The following ABTB2 variants were observed in gnomAD, a reference collection of about 807,000 sequenced individuals.
ABTB2 encodes ankyrin repeat and BTB domain containing 2, also known as ankyrin repeat and BTB/POZ domain-containing protein 2.
In ABTB2, 56 loss-of-function variants were observed where a neutral mutation model predicts 104.1. The ratio of observed to expected loss-of-function variants is 0.54; its 90% CI spans 0.43 to 0.67. The LOEUF is 0.67. ABTB2 is among the 30% of genes least tolerant of loss of function. ABTB2 has a pLI of 0.00. For missense variants in ABTB2, 1,279 were observed against 1,407.7 expected (o/e 0.91, Z 1.46); for synonymous variants, 606 against 608.2 (o/e 1.00, Z 0.05).
chr11:34,239,938 C>G (rs535527764), intron 1 of ABTB2, among the ~76,000 whole-genome samples: 12 of 152,302 alleles, frequency 7.9e-5, no homozygotes, highest in African/African-American at 2.2e-4. Flanking sequence ...GCATTTCCCC[C>G]CTAAATACTG....
intron 1 of ABTB2, among the ~76,000 whole-genome samples, chr11:34,266,266 G>A (rs746937149): frequency 1.3e-5 from 2 of 151,912 alleles, no homozygotes; most frequent in South Asian, 2.1e-4. Flanking sequence ...CATTTTTTTC[G>A]GAAGTATGGG....
At chr11:34,211,978 C>G (rs1422682918) in intron 1 of ABTB2, among the ~76,000 whole-genome samples, 3 of 151,232 alleles carry the variant, frequency 2.0e-5, no homozygotes, top group Non-Finnish European at 4.4e-5. Flanking sequence ...AAGACGTGAC[C>G]ATGATACTGT....
intron 1 of ABTB2, among the ~76,000 whole-genome samples, chr11:34,317,187 T>C (rs1232684093): frequency 6.6e-6 from 1 of 152,266 alleles, no homozygotes; most frequent in Non-Finnish European, 1.5e-5. Context: ...AAGTTAAACA[T>C]GTCACCTGTG....
chr11:34,346,682 C>G (rs1417810492), intron 1 of ABTB2, among the ~76,000 whole-genome samples: 1 of 152,010 alleles, frequency 6.6e-6, no homozygotes, highest in Non-Finnish European at 1.5e-5. Flanking sequence ...ACAGAAAAGC[C>G]CTTGGGGAAT....
At position 34,152,198 on chromosome 11, in the gene ABTB2, A is replaced by G; in HGVS notation, c.*189T>C. 1 of 640,972 alleles carries G rather than the reference A, an allele frequency of 1.6e-6. No homozygotes were observed. The highest frequency in any genetic ancestry group is 2.7e-6 in the Non-Finnish European group (1 of 377,156). 39.7% of individuals were successfully genotyped at this position (640,972 alleles called of 1,614,324 possible). A position where few individuals can be genotyped will look rare whatever the true frequency, so the allele number is the denominator to read the frequency against. Reference sequence around the variant, plus strand: ...TAGCTACATCTCCCCTTTGCCCATCAGTGATTGAACAAACAGCTCTAGGGC... The same window carrying G: ...TAGCTACATCTCCCCTTTGCCCATCGGTGATTGAACAAACAGCTCTAGGGC... On this transcript the variant is annotated 3_prime_UTR_variant, in exon 17 of 17. Coordinates refer to ENST00000435224, the MANE Select transcript of ABTB2 (RefSeq NM_145804.3).
In ABTB2 at chr11:34,229,202, G is replaced by A. The variant is rs1853729204; in HGVS notation, c.884-24512C>T. On this transcript the variant is annotated intron_variant, in intron 1 of 16. Coordinates refer to ENST00000435224, the MANE Select transcript of ABTB2 (RefSeq NM_145804.3). ...TTCTTTAACAGAATTATTTATTCTG[G>A]CCGGGTGCGGTGGCTCACGCCTGTA... Among the ~76,000 whole-genome samples, 4 of 151,638 alleles carry A rather than the reference G, an allele frequency of 2.6e-5. No individual in the cohort carries two copies. The South Asian group carries it at 8.3e-4, about 32-fold the overall frequency.
intron 1 of ABTB2, among the ~76,000 whole-genome samples, chr11:34,341,061 A>C (rs1265567979): frequency 1.3e-5 from 2 of 152,204 alleles, no homozygotes; most frequent in Non-Finnish European, 2.9e-5. Context: ...TCTGCGGGAT[A>C]CTGTGTGGCT....
chr11:34,353,753 G>A (rs1855428477), intron 1 of ABTB2, among the ~76,000 whole-genome samples: 1 of 152,182 alleles, frequency 6.6e-6, no homozygotes, highest in South Asian at 2.1e-4. Flanking sequence ...ATATAGCTGA[G>A]TCAAATGCAT....
At chr11:34,273,811 G>A (rs1854348897) in intron 1 of ABTB2, among the ~76,000 whole-genome samples, 1 of 152,156 alleles carries the variant, frequency 6.6e-6, no homozygotes, top group South Asian at 2.1e-4. Context: ...AAGCAGGCTG[G>A]AGGGAAGGAA....
chr11:34,285,587 T>C (rs1854496341), intron 1 of ABTB2, among the ~76,000 whole-genome samples: 1 of 152,164 alleles, frequency 6.6e-6, no homozygotes, highest in African/African-American at 2.4e-5. Flanking sequence ...CGAGGGTTCA[T>C]CCTTAAGATA....
At chr11:34,198,917 T>C (rs890059737) in intron 2 of ABTB2, among the ~76,000 whole-genome samples, 1 of 152,206 alleles carries the variant, frequency 6.6e-6, no homozygotes, top group African/African-American at 2.4e-5. Flanking sequence ...CGGGCACGGC[T>C]AACCTTAAGG....
chr11:34,195,077 G>GGGGGGC (rs1853235197), intron 3 of ABTB2, among the ~76,000 whole-genome samples: 1 of 97,212 alleles, frequency 1.0e-5, no homozygotes, highest in Admixed American at 8.9e-5. Context: ...ATGCCCGGCG[G>GGGGGGC]GGGGGGGGAG....
chr11:34,205,755 C>A (rs745836497), intron 1 of ABTB2, among the ~76,000 whole-genome samples: 2 of 152,200 alleles, frequency 1.3e-5, no homozygotes, highest in Non-Finnish European at 2.9e-5. Flanking sequence ...ACAAGGACAA[C>A]AGCAGCAACA....
intron 1 of ABTB2, among the ~76,000 whole-genome samples, chr11:34,226,272 G>A (rs1030226302): frequency 6.6e-6 from 1 of 151,506 alleles, no homozygotes; most frequent in Non-Finnish European, 1.5e-5. Context: ...ATAAACATTG[G>A]GAATAGCTTG....
At chr11:34,254,400 A>G (rs1270124464) in intron 1 of ABTB2, among the ~76,000 whole-genome samples, 1 of 151,916 alleles carries the variant, frequency 6.6e-6, no homozygotes, top group African/African-American at 2.4e-5. Context: ...GGCATGTGCC[A>G]CCACACCTGG....
intron 1 of ABTB2, among the ~76,000 whole-genome samples, chr11:34,308,744 G>A (rs545520044): frequency 4.0e-5 from 6 of 151,736 alleles, no homozygotes; most frequent in South Asian, 2.1e-4. Context: ...GGTGGCAGGC[G>A]CCTGTATTCC....
intron 1 of ABTB2, among the ~76,000 whole-genome samples, chr11:34,256,068 T>C (rs956513748): frequency 3.3e-5 from 5 of 151,790 alleles, no homozygotes; most frequent in African/African-American, 9.7e-5. Context: ...ACCCTGGCAC[T>C]AGCCCAACAC....
intron 1 of ABTB2, among the ~76,000 whole-genome samples, chr11:34,292,933 A>C (rs1394379220): frequency 6.6e-6 from 1 of 152,220 alleles, no homozygotes; most frequent in African/African-American, 2.4e-5. Context: ...CTTGGATTTT[A>C]TTCTAAGTTT....
At chr11:34,328,678 G>A (rs1855097017) in intron 1 of ABTB2, among the ~76,000 whole-genome samples, 1 of 152,168 alleles carries the variant, frequency 6.6e-6, no homozygotes, top group Non-Finnish European at 1.5e-5. Context: ...AGGCATTCAA[G>A]GAACCCTTAT....
Sources: gnomAD v4.1 joint callset for allele counts (sites outside exome capture counted in the v4.1 genomes callset) on GRCh38, gnomAD v4.1.1 for gene constraint, MANE v1.5 for transcripts, NCBI Gene and HGNC (gene_info 2026-07-23, HGNC 2026-07-21) for gene names.